CNGB1: variants seen among roughly 807,000 people sequenced by gnomAD.
CNGB1 encodes the protein cyclic nucleotide-gated channel beta-1.
In CNGB1, 126 loss-of-function variants were observed where a neutral mutation model predicts 151.7. That is an observed-to-expected ratio of 0.83 (90% CI 0.72 to 0.96). The LOEUF (loss-of-function observed/expected upper bound fraction) is 0.96, where lower values mean the gene tolerates loss of function less well. CNGB1 is among the 40% of genes least tolerant of loss of function. CNGB1 has a pLI of 0.00. For missense variants in CNGB1, 1,698 were observed against 1,627.0 expected (o/e 1.04, Z -0.75); for synonymous variants, 623 against 635.1 (o/e 0.98, Z 0.29).
chr16:57,914,147 T>C (rs1296019377), intron 23 of CNGB1, among the ~76,000 whole-genome samples: 1 of 152,188 alleles, frequency 6.6e-6, no homozygotes, highest in Non-Finnish European at 1.5e-5. Context: ...GTCCACTGAA[T>C]GGTGTTCAAT....
Position 57,967,136 on chromosome 16 carries a change from C to A in CNGB1, c.151G>T (p.Glu51Ter). The change falls in exon 2 of 33, where the codon GAG becomes TAG. Residue 51 changes from glutamate to a stop codon, truncating the protein, a stop_gained. Transcript: ENST00000251102. LOFTEE classifies it high-confidence loss of function. ...PNPEEAETESESMPPEESFKE... is the reference protein window; with the variant it reads ...PNPEEAETES ...CCCGCTCTACCTCTCACCATGGACT[C>A]GGACTCTGTCTCGGCCTCCTCAGGA... 6.2e-7 allele frequency: 1 copy of A among 1,614,162 alleles called. No individual in the cohort carries two copies.
intron 12 of CNGB1, chr16:57,955,139 G>C (rs1164068617): frequency 6.8e-7 from 1 of 1,468,966 alleles, no homozygotes; most frequent in Non-Finnish European, 9.0e-7. Context: ...CCTTGTTCTG[G>C]TCTGGGAGGC....
chr16:57,968,312 C>T (rs1268966622), intron 1 of CNGB1, among the ~76,000 whole-genome samples: 1 of 151,932 alleles, frequency 6.6e-6, no homozygotes, highest in Non-Finnish European at 1.5e-5. Context: ...AGCCTGGCAA[C>T]ATGGGGAAGC....
At position 57,959,888 on chromosome 16, in the gene CNGB1, C is replaced by CTGGCAGGGTCCCTGGTTGG. The variant is rs2149386409; in HGVS notation, c.742_760dup (p.Arg254ThrfsTer35). On this transcript the variant is annotated frameshift_variant and splice_region_variant, in exon 10 of 33. Transcript: ENST00000251102. LOFTEE classifies it high-confidence loss of function. Reference sequence around the variant, plus strand: ...AGGCGCTGCATTGAGGGTGGCTCACCTGGCAGGGTCCCTGGTTGGTGGCAG... The same window carrying CTGGCAGGGTCCCTGGTTGG: ...AGGCGCTGCATTGAGGGTGGCTCACCTGGCAGGGTCCCTGGTTGGTGGCAGGGTCCCTGGTTGGTGGCAG... 1.3e-6 allele frequency: 2 copies of CTGGCAGGGTCCCTGGTTGG among 1,527,114 alleles called. No individual in the cohort carries two copies. Among genetic ancestry groups the CTGGCAGGGTCCCTGGTTGG allele is most frequent in the African/African-American group, 2.7e-5 (2 of 72,854 alleles). 94.6% of individuals were successfully genotyped at this position (1,527,114 alleles called of 1,614,324 possible). A position where few individuals can be genotyped will look rare whatever the true frequency, so the allele number is the denominator to read the frequency against.
intron 4 of CNGB1, chr16:57,963,860 A>G: frequency 3.7e-6 from 2 of 540,482 alleles, no homozygotes; most frequent in Admixed American, 6.2e-5. Context: ...GAATGAGTGA[A>G]GGAATGAATG....
chr16:57,902,066 T>G (rs796499735), intron 27 of CNGB1, among the ~76,000 whole-genome samples: 3 of 150,660 alleles, frequency 2.0e-5, no homozygotes, highest in South Asian at 2.1e-4. Flanking sequence ...TATTTATGTT[T>G]TTGTTGTTGT....
Position 57,960,580 on chromosome 16 carries a change from G to A in CNGB1, c.535-50C>T, listed in dbSNP as rs576353882. On this transcript the variant is annotated intron_variant, in intron 8 of 32. Coordinates refer to ENST00000251102, the MANE Select transcript of CNGB1 (RefSeq NM_001297.5). ...TCATGGGCCATAGCAAGCTCTGTGC[G>A]CTTCCCCAACCGCCACTACCAGCTG... 9.7e-5 allele frequency: 155 copies of A among 1,590,002 alleles called. 1 individual carries two copies. In the South Asian group the frequency reaches 1.7e-3, roughly 17 times the overall value.
chr16:57,949,416 T>A lies in CNGB1; in HGVS notation c.1058A>T (p.Glu353Val). The change falls in exon 14 of 33, where the codon GAG (glutamate) becomes GTG (valine). Residue 353 changes from glutamate (E) to valine (V), a missense_variant. Physicochemically the swap from Glu to Val is moderately radical, Grantham distance 121. Transcript: ENST00000251102. The part of the protein sequence containing the change: ...MPRELSRIEE[E>V]KEDEEEEEEE... ...CTCTTCCTCCTCCTCATCTTCTTTC[T>A]CCTCTTCAATCCGGGACAGCTCTCT... The A allele has an allele frequency of 6.2e-7, 1 of 1,613,650 alleles. No homozygotes were observed.
At chr16:57,902,066 T>TTTG (rs370176455) in intron 27 of CNGB1, among the ~76,000 whole-genome samples, 4,113 of 150,760 alleles carry the variant, frequency 0.027, 196 homozygotes, top group African/African-American at 0.096. Context: ...TATTTATGTT[T>TTTG]TTGTTGTTGT....
intron 19 of CNGB1, among the ~76,000 whole-genome samples, chr16:57,919,634 T>C (rs1960972822): frequency 6.6e-6 from 1 of 152,192 alleles, no homozygotes; most frequent in African/African-American, 2.4e-5. Flanking sequence ...GTGTTCCCAG[T>C]ACCCATGGCT....
At chr16:57,901,768 T>A (rs1213771724) in intron 27 of CNGB1, 143 bp from the exon 28 acceptor site, 1 of 717,342 alleles carries the variant, frequency 1.4e-6, no homozygotes, top group Admixed American at 2.0e-5. Flanking sequence ...TAGTGCACCC[T>A]CTCTCACCTC....
intron 13 of CNGB1, 45 bp from the exon 14 acceptor site, chr16:57,949,484 C>T (rs1048752917): frequency 6.2e-7 from 1 of 1,611,780 alleles, no homozygotes; most frequent in Non-Finnish European, 8.5e-7. Flanking sequence ...CCGAAGCTGC[C>T]CCGCTGAGTC....
intron 12 of CNGB1, chr16:57,955,258 C>G (rs952494580): frequency 1.0e-5 from 16 of 1,548,108 alleles, no homozygotes; most frequent in Admixed American, 2.0e-5. Context: ...CCACCTCCCC[C>G]GGGAAGGTCT....
rs1962330832 is a variant in CNGB1, at chr16:57,964,168, G to A, written c.252C>T (p.Ser84=). ...AAATCTCAGCGCCCTGGGCCCGGAG[G>A]GATATGGTGGAAGTAAGGGCAGCCT... is the stretch of plus-strand genomic sequence containing the variant. ...TKEAALTSTI[S]LRAQGAEISE... The change falls in exon 4 of 33, where the codon TCC becomes TCT. Residue 84 remains serine, a synonymous_variant. Coordinates refer to ENST00000251102, the MANE Select transcript of CNGB1 (RefSeq NM_001297.5). 4 of 1,614,190 alleles carry A rather than the reference G, an allele frequency of 2.5e-6. No homozygotes were observed. The highest frequency in any genetic ancestry group is 2.7e-5 in the African/African-American group (2 of 75,046).
intron 17 of CNGB1, among the ~76,000 whole-genome samples, chr16:57,928,575 G>T (rs1325465944): frequency 6.6e-6 from 1 of 152,168 alleles, no homozygotes; most frequent in African/African-American, 2.4e-5. Context: ...ACACCATCTT[G>T]GGTGGTGGGA....
chr16:57,885,718 C>T (rs931399171), intron 32 of CNGB1, among the ~76,000 whole-genome samples: 24 of 152,044 alleles, frequency 1.6e-4, no homozygotes, highest in South Asian at 4.2e-4. Flanking sequence ...CTCAGCCTCC[C>T]GAGTAGCTGG....
rs201679351 is a variant in CNGB1 at position 57,903,893 on chromosome 16, T to C, written c.2723A>G (p.Lys908Arg). The C allele has an allele frequency of 3.1e-6, 5 of 1,614,082 alleles. No homozygotes were observed. In the African/African-American group the frequency reaches 5.3e-5, roughly 17 times the overall value. Residue 908 changes from lysine (K) to arginine (R), a missense_variant, in exon 27 of 33, where the codon AAG (lysine) becomes AGG (arginine). Transcript: ENST00000251102. ...GCGGTTCTGCACGGACTTGGGGATC[T>C]TGTAGAAATTCATGTACTTCACCGT... is the stretch of plus-strand genomic sequence containing the variant. Reference protein sequence around the residue: ...DSTVKYMNFYKIPKSVQNRVK... With the variant: ...DSTVKYMNFYRIPKSVQNRVK...
chr16:57,965,948 G>A lies in CNGB1; in HGVS notation c.159+1180C>T, dbSNP rs542776571. ...ACTACACACATATATGTACATATAC[G>A]TGTATATACATGCAACATATACACA... On this transcript the variant is annotated intron_variant, in intron 2 of 32. Transcript: ENST00000251102. 4.6e-5 allele frequency among the ~76,000 whole-genome samples: 7 copies of A among 152,218 alleles called. No individual in the cohort carries two copies. The South Asian group carries it at 8.3e-4, about 18-fold the overall frequency.
At chr16:57,896,865 T>G (rs1960244345) in intron 31 of CNGB1, among the ~76,000 whole-genome samples, 1 of 152,240 alleles carries the variant, frequency 6.6e-6, no homozygotes, top group Non-Finnish European at 1.5e-5. Context: ...CTCTGCACCT[T>G]AATTACAATA....
Sources: allele counts gnomAD v4.1 joint callset (sites outside exome capture counted in the v4.1 genomes callset), GRCh38; gene constraint gnomAD v4.1.1; transcripts MANE v1.5; gene names NCBI Gene and HGNC (gene_info 2026-07-23, HGNC 2026-07-21).